MACROD1: variants seen among roughly 807,000 people sequenced by gnomAD.
MACROD1 encodes ADP-ribose glycohydrolase MACROD1.
A neutral mutation model predicts 41.4 loss-of-function variants in MACROD1; 31 were observed. The observed-to-expected ratio is 0.75, with a 90% confidence interval of 0.56 to 1.01. The LOEUF is 1.01. Among genes scored for constraint, MACROD1 ranks in the 50% least tolerant of loss-of-function variants. MACROD1 has a pLI of 0.00. For missense variants in MACROD1, 473 were observed against 460.0 expected, an observed-to-expected ratio of 1.03 and a Z score of -0.26; for synonymous variants, 252 against 203.4, an observed-to-expected ratio of 1.24 and a Z score of -2.03.
intron 3 of MACROD1, among the ~76,000 whole-genome samples, chr11:64,095,158 C>T (rs1039814427): frequency 1.1e-4 from 17 of 152,252 alleles, no homozygotes; most frequent in African/African-American, 4.1e-4. Context: ...CGACATTCCA[C>T]TCTCGTGTGA....
At chr11:64,147,757 A>C (rs958794147) in intron 3 of MACROD1, among the ~76,000 whole-genome samples, 1 of 86,394 alleles carries the variant, frequency 1.2e-5, no homozygotes, top group Non-Finnish European at 2.5e-5. Context: ...ATATATATAT[A>C]TTTTAGATAG....
intron 3 of MACROD1, among the ~76,000 whole-genome samples, chr11:64,129,536 C>A (rs1446964645): frequency 3.3e-5 from 5 of 152,206 alleles, no homozygotes; most frequent in Non-Finnish European, 7.4e-5. Context: ...TGGGGGGTTT[C>A]TCCCGCATTC....
At chr11:64,143,915 G>A (rs374958815) in intron 3 of MACROD1, among the ~76,000 whole-genome samples, 26 of 152,062 alleles carry the variant, frequency 1.7e-4, no homozygotes, top group East Asian at 5.8e-4. Flanking sequence ...TTCACCATTA[G>A]CACAATGAGA....
At chr11:64,023,450 A>T (rs777966611) in intron 3 of MACROD1, among the ~76,000 whole-genome samples, 36 of 152,182 alleles carry the variant, frequency 2.4e-4, no homozygotes, top group Non-Finnish European at 4.6e-4. Flanking sequence ...CGTAAAACCT[A>T]CAGCCTCACA....
intron 3 of MACROD1, among the ~76,000 whole-genome samples, chr11:64,129,532 G>A (rs137975814): frequency 0.028 from 4,331 of 152,314 alleles, 99 homozygotes; most frequent in Non-Finnish European, 0.044. Context: ...CTCCTGGGGG[G>A]TTTCTCCCGC....
At chr11:64,011,888 A>G (rs910348466) in intron 4 of MACROD1, among the ~76,000 whole-genome samples, 3 of 151,970 alleles carry the variant, frequency 2.0e-5, no homozygotes, top group Non-Finnish European at 4.4e-5. Context: ...GGACTGGATG[A>G]ACTCAAAGGA....
At chr11:64,024,648 C>A (rs767276923) in intron 3 of MACROD1, among the ~76,000 whole-genome samples, 9 of 152,206 alleles carry the variant, frequency 5.9e-5, no homozygotes, top group Non-Finnish European at 1.0e-4. Flanking sequence ...CCCAGCCAGC[C>A]GGGCAGTCTC....
At chr11:64,055,590 C>T (rs1005483956) in intron 3 of MACROD1, among the ~76,000 whole-genome samples, 2 of 152,222 alleles carry the variant, frequency 1.3e-5, no homozygotes, top group East Asian at 1.9e-4. Context: ...TGTCCCTCCA[C>T]GAGGCAGCCA....
chr11:64,060,810 G>C (rs2134436790), intron 3 of MACROD1, among the ~76,000 whole-genome samples: 1 of 152,332 alleles, frequency 6.6e-6, no homozygotes, highest in South Asian at 2.1e-4. Context: ...TTTGAGTCCT[G>C]CAGCCCCCGG....
intron 3 of MACROD1, among the ~76,000 whole-genome samples, chr11:64,023,353 C>T (rs1246626846): frequency 6.6e-6 from 1 of 152,144 alleles, no homozygotes; most frequent in Non-Finnish European, 1.5e-5. Flanking sequence ...TGCCCCACCT[C>T]CTGGGGCCTC....
chr11:64,158,886 A>T (rs1055690989), intron 1 of MACROD1, among the ~76,000 whole-genome samples: 1 of 152,140 alleles, frequency 6.6e-6, no homozygotes, highest in Non-Finnish European at 1.5e-5. Context: ...AACTGAGGGT[A>T]TTCAATTAGA....
chr11:64,126,685 A>C (rs1174054249), intron 3 of MACROD1, among the ~76,000 whole-genome samples: 3 of 152,078 alleles, frequency 2.0e-5, no homozygotes, highest in Admixed American at 2.0e-4. Context: ...CCTGGCGGCC[A>C]AGGGGTGGGT....
At chr11:64,078,730 G>C (rs1456885767) in intron 3 of MACROD1, among the ~76,000 whole-genome samples, 2 of 152,108 alleles carry the variant, frequency 1.3e-5, no homozygotes, top group Non-Finnish European at 2.9e-5. Flanking sequence ...CCTCAGGGAG[G>C]GCACCCCAAG....
intron 3 of MACROD1, among the ~76,000 whole-genome samples, chr11:64,142,701 T>C (rs762584323): frequency 1.3e-5 from 2 of 152,226 alleles, no homozygotes; most frequent in Non-Finnish European, 2.9e-5. Flanking sequence ...CTCCTGGCTG[T>C]GTCTGGGTGT....
intron 3 of MACROD1, among the ~76,000 whole-genome samples, chr11:64,059,020 G>T (rs919475331): frequency 4.6e-5 from 7 of 152,214 alleles, no homozygotes; most frequent in African/African-American, 1.7e-4. Context: ...ATGGGCTGAG[G>T]AGTGCCTGAT....
chr11:64,145,753 C>T (rs1945486344), intron 3 of MACROD1, among the ~76,000 whole-genome samples: 1 of 152,188 alleles, frequency 6.6e-6, no homozygotes, highest in South Asian at 2.1e-4. Flanking sequence ...CCTGGGTTGG[C>T]CAAGAATGGG....
At chr11:64,002,657 G>A (rs1942845578) in intron 4 of MACROD1, among the ~76,000 whole-genome samples, 1 of 152,162 alleles carries the variant, frequency 6.6e-6, no homozygotes, top group East Asian at 1.9e-4. Context: ...TGAGAGTGCA[G>A]AGGGGAACCC....
At chr11:64,102,546 C>T (rs57239132) in intron 3 of MACROD1, among the ~76,000 whole-genome samples, 46 of 152,284 alleles carry the variant, frequency 3.0e-4, no homozygotes, top group African/African-American at 1.1e-3. Flanking sequence ...GAGCAGGTGC[C>T]GGGGGAATTG....
chr11:64,007,711 T>C (rs1208247822), intron 4 of MACROD1, among the ~76,000 whole-genome samples: 1 of 151,764 alleles, frequency 6.6e-6, no homozygotes, highest in Non-Finnish European at 1.5e-5. Context: ...CACAGCCCCC[T>C]CCCCCCTCGC....
Sources: gnomAD v4.1 joint callset for allele counts (sites outside exome capture counted in the v4.1 genomes callset) on GRCh38, gnomAD v4.1.1 for gene constraint, MANE v1.5 for transcripts, NCBI Gene and HGNC (gene_info 2026-07-23, HGNC 2026-07-21) for gene names.